Variants in TPST2 observed in about 807,000 individuals in gnomAD.
TPST2 encodes protein-tyrosine sulfotransferase 2.
TPST2 carries 16 observed loss-of-function variants against 27.8 expected under a neutral mutation model. The observed-to-expected ratio is 0.58, with a 90% CI of 0.39 to 0.88. The LOEUF (loss-of-function observed/expected upper bound fraction) is 0.88, where lower values mean the gene tolerates loss of function less well. Among genes scored for constraint, TPST2 ranks in the 40% least tolerant of loss-of-function variants. The pLI, the probability that TPST2 is intolerant of heterozygous loss-of-function variation, is 0.00. For synonymous variants in TPST2, 229 were observed against 231.7 expected, an observed-to-expected ratio of 0.99 and a Z score of 0.10; for missense variants, 464 against 543.1, an observed-to-expected ratio of 0.85 and a Z score of 1.45.
At chr22:26,537,721 G>A (rs1390312290) in intron 3 of TPST2, among the ~76,000 whole-genome samples, 1 of 152,166 alleles carries the variant, frequency 6.6e-6, no homozygotes, top group East Asian at 1.9e-4. Context: ...CCAAAGTGCT[G>A]GGATTCCAGA....
chr22:26,571,453 C>T (rs984312714), intron 1 of TPST2, among the ~76,000 whole-genome samples: 1 of 152,136 alleles, frequency 6.6e-6, no homozygotes, highest in Admixed American at 6.5e-5. Context: ...CAGCACTCAC[C>T]ACCTTCTAAC....
chr22:26,589,171 C>T (rs1003376426), intron 1 of TPST2, among the ~76,000 whole-genome samples: 4 of 152,110 alleles, frequency 2.6e-5, no homozygotes, highest in Non-Finnish European at 5.9e-5. Flanking sequence ...GGCAGGTGAC[C>T]TCTCCAAGCC....
At chr22:26,537,748 T>C (rs1925550694) in intron 3 of TPST2, among the ~76,000 whole-genome samples, 1 of 152,212 alleles carries the variant, frequency 6.6e-6, no homozygotes, top group Admixed American at 6.5e-5. Context: ...CCACTGTGCC[T>C]GGCCAACACA....
chr22:26,533,207 C>G (rs4822731), intron 4 of TPST2, among the ~76,000 whole-genome samples: 22,011 of 152,008 alleles, frequency 0.14, 1,993 homozygotes, highest in East Asian at 0.33. Context: ...TTGAGTCCAG[C>G]AGTTTGAGAT....
intron 1 of TPST2, among the ~76,000 whole-genome samples, chr22:26,549,128 G>C (rs937722502): frequency 6.6e-6 from 1 of 152,178 alleles, no homozygotes; most frequent in East Asian, 1.9e-4. Context: ...AAATAAATTA[G>C]GGCATGTCGG....
intron 4 of TPST2, among the ~76,000 whole-genome samples, chr22:26,535,481 C>A (rs962309747): frequency 6.6e-6 from 1 of 152,216 alleles, no homozygotes; most frequent in Non-Finnish European, 1.5e-5. Context: ...TACTTTAACA[C>A]TTCAAAAGCA....
intron 1 of TPST2, among the ~76,000 whole-genome samples, chr22:26,554,986 CCTGA>C (rs1439562849): frequency 3.9e-5 from 6 of 152,202 alleles, no homozygotes; most frequent in African/African-American, 9.7e-5. Flanking sequence ...TTTGTTACTA[CCTGA>C]CTGTTATTCC....
intron 1 of TPST2, among the ~76,000 whole-genome samples, chr22:26,551,968 A>T (rs1485547932): frequency 7.3e-6 from 1 of 137,060 alleles, no homozygotes; most frequent in Non-Finnish European, 1.5e-5. Flanking sequence ...GGCTCACTGC[A>T]GCCTCAAACA....
intron 1 of TPST2, among the ~76,000 whole-genome samples, chr22:26,568,051 TG>T (rs1341841876): frequency 2.6e-5 from 4 of 152,216 alleles, no homozygotes; most frequent in Non-Finnish European, 5.9e-5. Context: ...GCATTTCTAC[TG>T]CTGATTATAC....
In TPST2 at chr22:26,541,547, C is replaced by T; in HGVS notation, c.84G>A (p.Val28=). The change falls in exon 3 of 7, where the codon GTG becomes GTA. Residue 28 remains valine (V), a synonymous_variant. Transcript: ENST00000338754. This position sits in a 1 kb window ranked among gnomAD's most constrained non-coding sequence, Gnocchi z 5.9. ...CCGCCAGCACCGCCCGGCACTCTAG[C>T]ACCTGCTGTCCCAGCTGAACCGCCA... ...LVLAVQLGQQ[V]LECRAVLAGL... 1 of 1,611,150 alleles carries T rather than the reference C, an allele frequency of 6.2e-7. No individual in the cohort carries two copies. Among genetic ancestry groups the T allele is most frequent in the Non-Finnish European group, 8.5e-7 (1 of 1,179,148 alleles).
At chr22:26,583,490 C>A (rs568153020) in intron 1 of TPST2, among the ~76,000 whole-genome samples, 54 of 145,118 alleles carry the variant, frequency 3.7e-4, no homozygotes, top group Non-Finnish European at 7.1e-4. Flanking sequence ...GACAGGGTAT[C>A]AGGAGGCCTC....
Position 26,554,712 on chromosome 22 carries a change from C to T in TPST2, c.-160-10037G>A, listed in dbSNP as rs183292675. ...CAGCACTTTGGGAGGCCAAGGTGGGCGGATCACCTGGGGTCAGGAGTTCAA... is the reference window on the plus strand; with the variant it reads ...CAGCACTTTGGGAGGCCAAGGTGGGTGGATCACCTGGGGTCAGGAGTTCAA... On this transcript the variant is annotated intron_variant, in intron 1 of 6. Coordinates refer to ENST00000338754, the MANE Select transcript of TPST2 (RefSeq NM_003595.5). Among the ~76,000 whole-genome samples, 20 of 152,276 alleles carry T rather than the reference C, an allele frequency of 1.3e-4. No homozygotes were observed. The East Asian group carries it at 3.3e-3, about 25-fold the overall frequency.
chr22:26,550,482 G>T, intron 1 of TPST2: 2 of 624,878 alleles, frequency 3.2e-6, no homozygotes, highest in Non-Finnish European at 4.0e-6. Flanking sequence ...ATTTCTCCAA[G>T]CTCAGCAGAT....
At chr22:26,533,749 A>C (rs1453634026) in intron 4 of TPST2, among the ~76,000 whole-genome samples, 1 of 151,686 alleles carries the variant, frequency 6.6e-6, no homozygotes, top group East Asian at 1.9e-4. Context: ...ATCACGGCTC[A>C]CTGCAGCCTC....
intron 1 of TPST2, among the ~76,000 whole-genome samples, chr22:26,559,863 T>C (rs1463474558): frequency 6.6e-6 from 1 of 152,184 alleles, no homozygotes; most frequent in African/African-American, 2.4e-5. Context: ...GCCAGGGAGC[T>C]TGGGGCTGCC....
At position 26,524,277 on chromosome 22, in the gene TPST2, A is replaced by G. The variant is rs1924707530; in HGVS notation, c.*1998T>C. On this transcript the variant is annotated 3_prime_UTR_variant, in exon 7 of 7. Coordinates refer to ENST00000338754, the MANE Select transcript of TPST2 (RefSeq NM_003595.5). ...GGTATCAAGGACCACCGCCAATGTC[A>G]TCCATTAGCCATCCCCAATAAACCC... is the stretch of plus-strand genomic sequence containing the variant. 6.6e-6 allele frequency: 1 copy of G among 152,158 alleles called. No individual in the cohort carries two copies. Among genetic ancestry groups the G allele is most frequent in the African/African-American group, 2.4e-5 (1 of 41,428 alleles). The allele number at this position is 152,158 out of a possible 1,614,324, so 9.4% of individuals were successfully genotyped here. A position where few individuals can be genotyped will look rare whatever the true frequency, so the allele number is the denominator to read the frequency against.
At chr22:26,539,440 G>C (rs1387409712) in intron 3 of TPST2, among the ~76,000 whole-genome samples, 2 of 152,212 alleles carry the variant, frequency 1.3e-5, no homozygotes, top group Non-Finnish European at 2.9e-5. Context: ...ATGAGGGGGA[G>C]TGAAGGGGAG....
intron 5 of TPST2, among the ~76,000 whole-genome samples, chr22:26,529,861 T>C (rs1175186385): frequency 6.6e-6 from 1 of 151,648 alleles, no homozygotes; most frequent in African/African-American, 2.4e-5. Flanking sequence ...TGTGTTGGCC[T>C]TGAATTTAAA....
intron 1 of TPST2, among the ~76,000 whole-genome samples, chr22:26,554,717 C>G (rs1346374908): frequency 6.6e-6 from 1 of 152,188 alleles, no homozygotes. Flanking sequence ...GTGGGCGGAT[C>G]ACCTGGGGTC....
Sources: gnomAD v4.1 joint callset for allele counts (sites outside exome capture counted in the v4.1 genomes callset) on GRCh38, gnomAD v4.1.1 for gene constraint, Gnocchi (gnomAD v3.1) non-coding constraint, MANE v1.5 for transcripts, NCBI Gene and HGNC (gene_info 2026-07-23, HGNC 2026-07-21) for gene names.